NETO1: variants seen among roughly 807,000 people sequenced by gnomAD.
NETO1 encodes the protein neuropilin and tolloid-like protein 1.
Under a neutral mutation model 61.3 loss-of-function variants are expected in NETO1, and 26 were observed. The ratio of observed to expected loss-of-function variants is 0.42; its 90% CI spans 0.31 to 0.59. NETO1 has a LOEUF of 0.59. NETO1 is among the 20% of genes least tolerant of loss of function. The pLI is 0.12. For synonymous variants in NETO1, 225 were observed against 225.8 expected, an observed-to-expected ratio of 1.00 and a Z score of 0.03; for missense variants, 531 against 662.8, an observed-to-expected ratio of 0.80 and a Z score of 2.18.
chr18:72,847,009 C>G (rs2074110813), intron 4 of NETO1, among the ~76,000 whole-genome samples: 1 of 152,224 alleles, frequency 6.6e-6, no homozygotes, highest in South Asian at 2.1e-4. Flanking sequence ...TTTAAGGTTG[C>G]ACTGGTTTTT....
chr18:72,823,059 C>T, intron 4 of NETO1, among the ~76,000 whole-genome samples: 1 of 152,146 alleles, frequency 6.6e-6, no homozygotes, highest in Admixed American at 6.5e-5. Context: ...ATTACTTTTA[C>T]AAGATACAGA....
chr18:72,808,417 A>ATTTGTGTGTG (rs1369055634), intron 4 of NETO1, among the ~76,000 whole-genome samples: 2 of 38,586 alleles, frequency 5.2e-5, no homozygotes, highest in East Asian at 7.5e-4. Flanking sequence ...GGCACTGCAG[A>ATTTGTGTGTG]TTTGTGTGTG....
chr18:72,856,617 C>T (rs540035443), intron 4 of NETO1, among the ~76,000 whole-genome samples: 1 of 152,148 alleles, frequency 6.6e-6, no homozygotes, highest in South Asian at 2.1e-4. Context: ...ATATAAAGGA[C>T]CGTGTTCAAA....
intron 7 of NETO1, among the ~76,000 whole-genome samples, chr18:72,771,556 G>T (rs112049056): frequency 3.9e-4 from 59 of 152,164 alleles, no homozygotes; most frequent in African/African-American, 1.4e-3. Flanking sequence ...ATAAAAGAAT[G>T]AAAGGAGGAA....
chr18:72,781,278 G>A (rs558528007), intron 7 of NETO1, among the ~76,000 whole-genome samples: 12 of 151,930 alleles, frequency 7.9e-5, no homozygotes, highest in South Asian at 2.1e-4. Flanking sequence ...TGTTATTCCC[G>A]AAGACAGATA....
intron 4 of NETO1, among the ~76,000 whole-genome samples, chr18:72,846,183 G>A (rs1173963732): frequency 2.0e-5 from 3 of 151,276 alleles, no homozygotes; most frequent in South Asian, 2.1e-4. Flanking sequence ...AGGAGACCAC[G>A]GAAGAGGCAC....
In NETO1 at chr18:72,814,850, TG is replaced by T. The variant is rs569519026; in HGVS notation, c.470-20447del. Reference sequence around the variant, plus strand: ...TATATACCTAATAACATAGGTACAATGTTATCATTGCATCAATGAAATATTT... The same window carrying T: ...TATATACCTAATAACATAGGTACAATTTATCATTGCATCAATGAAATATTT... On this transcript the variant is annotated intron_variant, in intron 4 of 10. Coordinates refer to ENST00000327305, the MANE Select transcript of NETO1 (RefSeq NM_138966.5). 7.2e-5 allele frequency among the ~76,000 whole-genome samples: 11 copies of T among 152,076 alleles called. No individual in the cohort carries two copies. In the East Asian group the frequency reaches 1.9e-3, roughly 27 times the overall value.
At chr18:72,827,370 A>C (rs1415939260) in intron 4 of NETO1, among the ~76,000 whole-genome samples, 1 of 152,174 alleles carries the variant, frequency 6.6e-6, no homozygotes, top group Admixed American at 6.5e-5. Flanking sequence ...ATGACCCTCC[A>C]GCCCCAAACA....
chr18:72,828,557 T>C (rs528011367), intron 4 of NETO1, among the ~76,000 whole-genome samples: 2 of 152,364 alleles, frequency 1.3e-5, no homozygotes, highest in African/African-American at 4.8e-5. Flanking sequence ...TAATTGAAAG[T>C]TGGCAATATT....
chr18:72,853,119 G>T (rs2074305065), intron 4 of NETO1, among the ~76,000 whole-genome samples: 1 of 152,124 alleles, frequency 6.6e-6, no homozygotes, highest in Non-Finnish European at 1.5e-5. Context: ...ACAAGCATGA[G>T]TCACCGCACC....
intron 4 of NETO1, among the ~76,000 whole-genome samples, chr18:72,837,432 G>A (rs562085679): frequency 2.6e-5 from 4 of 152,188 alleles, no homozygotes; most frequent in South Asian, 2.1e-4. Context: ...TCTTCCTTAC[G>A]GTGACAATAT....
chr18:72,744,519 AC>A lies in NETO1; in HGVS notation c.*3659del, dbSNP rs2070391421. 6.6e-6 allele frequency: 1 copy of A among 152,140 alleles called. No individual in the cohort carries two copies. Among genetic ancestry groups the A allele is most frequent in the Non-Finnish European group, 1.5e-5 (1 of 68,016 alleles). 9.4% of individuals were successfully genotyped at this position (152,140 alleles called of 1,614,324 possible). A position where few individuals can be genotyped will look rare whatever the true frequency, so the allele number is the denominator to read the frequency against. ...TTACAATTTCTTGGCTGGGTCCTTTACGCTAGAGTGCAATAGATAGAAATGA... is the reference window on the plus strand; with the variant it reads ...TTACAATTTCTTGGCTGGGTCCTTTAGCTAGAGTGCAATAGATAGAAATGA... On this transcript the variant is annotated 3_prime_UTR_variant, in exon 11 of 11. Transcript: ENST00000327305.
chr18:72,759,176 C>T (rs1302050957), intron 7 of NETO1, among the ~76,000 whole-genome samples: 3 of 152,102 alleles, frequency 2.0e-5, no homozygotes, highest in Non-Finnish European at 4.4e-5. Context: ...TATCCGGCAC[C>T]GTGTCCACAC....
At chr18:72,789,778 T>G (rs2072051926) in intron 6 of NETO1, among the ~76,000 whole-genome samples, 1 of 152,160 alleles carries the variant, frequency 6.6e-6, no homozygotes, top group South Asian at 2.1e-4. Context: ...ATCCCCTGAT[T>G]CTCTTACTTC....
intron 4 of NETO1, among the ~76,000 whole-genome samples, chr18:72,846,399 G>A (rs1012357596): frequency 7.3e-5 from 11 of 150,590 alleles, no homozygotes; most frequent in Non-Finnish European, 1.5e-4. Context: ...CAGCTACTGG[G>A]GAGGCTGAGG....
intron 4 of NETO1, 61 bp downstream of exon 4, chr18:72,858,765 G>T: frequency 6.9e-7 from 1 of 1,453,684 alleles, no homozygotes; most frequent in South Asian, 1.4e-5. Context: ...ACAAGATTTT[G>T]TACTATGAAG....
At chr18:72,827,649 G>A (rs749717649) in intron 4 of NETO1, among the ~76,000 whole-genome samples, 1 of 149,752 alleles carries the variant, frequency 6.7e-6, no homozygotes, top group Non-Finnish European at 1.5e-5. Flanking sequence ...CTCAGAGGTC[G>A]AGACTGCAGT....
At chr18:72,774,877 G>A (rs998072135) in intron 7 of NETO1, among the ~76,000 whole-genome samples, 1 of 152,190 alleles carries the variant, frequency 6.6e-6, no homozygotes, top group African/African-American at 2.4e-5. Flanking sequence ...CAAATGCAAA[G>A]TGCCATTTAG....
At chr18:72,824,494 G>A (rs1326806818) in intron 4 of NETO1, among the ~76,000 whole-genome samples, 1 of 152,186 alleles carries the variant, frequency 6.6e-6, no homozygotes, top group Admixed American at 6.5e-5. Context: ...TAACTGTTGA[G>A]ACTATCATCA....
Sources: gnomAD v4.1 joint callset for allele counts (sites outside exome capture counted in the v4.1 genomes callset) on GRCh38, gnomAD v4.1.1 for gene constraint, MANE v1.5 for transcripts, NCBI Gene and HGNC (gene_info 2026-07-23, HGNC 2026-07-21) for gene names.